Variants in GRM1 observed in about 807,000 individuals in gnomAD.
The protein encoded by GRM1 is metabotropic glutamate receptor 1.
A neutral mutation model predicts 90.9 loss-of-function variants in GRM1; 33 were observed. The observed-to-expected ratio is 0.36, with a 90% CI of 0.28 to 0.49. GRM1 has a LOEUF of 0.49. Among genes scored for constraint, GRM1 ranks in the 20% least tolerant of loss-of-function variants. GRM1 has a pLI of 0.99. For synonymous variants in GRM1, 700 were observed against 613.2 expected (o/e 1.14, Z -2.09); for missense variants, 1,190 against 1,534.3 (o/e 0.78, Z 3.75).
intron 5 of GRM1, among the ~76,000 whole-genome samples, chr6:146,360,989 G>A (rs1775444349): frequency 6.6e-6 from 1 of 152,192 alleles, no homozygotes; most frequent in East Asian, 1.9e-4. Flanking sequence ...AGGAAGGATG[G>A]GAGAGGAATG....
intron 1 of GRM1, among the ~76,000 whole-genome samples, chr6:146,055,941 T>C (rs1775466432): frequency 6.6e-6 from 1 of 152,118 alleles, no homozygotes; most frequent in Non-Finnish European, 1.5e-5. Context: ...ACTAAATTGA[T>C]TTGAAGGGAA....
intron 1 of GRM1, among the ~76,000 whole-genome samples, chr6:146,113,169 G>A (rs1775623972): frequency 6.6e-6 from 1 of 152,068 alleles, no homozygotes. Flanking sequence ...GTCTTCTAAT[G>A]GCAATGGAAA....
At chr6:146,171,876 GT>G (rs1178567474) in intron 2 of GRM1, 10 of 238,698 alleles carry the variant, frequency 4.2e-5, no homozygotes, top group Admixed American at 2.0e-4. Context: ...TATTGTTCTT[GT>G]TTTTTTTCCA....
intron 1 of GRM1, among the ~76,000 whole-genome samples, chr6:146,119,272 A>G (rs950401654): frequency 6.6e-6 from 1 of 152,064 alleles, no homozygotes; most frequent in Non-Finnish European, 1.5e-5. Context: ...TCCTTTGCCC[A>G]CTTTTTGATG....
At chr6:146,085,942 T>C (rs1776528812) in intron 1 of GRM1, among the ~76,000 whole-genome samples, 1 of 152,134 alleles carries the variant, frequency 6.6e-6, no homozygotes, top group South Asian at 2.1e-4. Flanking sequence ...GTTTATTTAA[T>C]AGAATTTGAG....
intron 1 of GRM1, among the ~76,000 whole-genome samples, chr6:146,042,477 G>A (rs928245260): frequency 3.3e-5 from 5 of 151,992 alleles, no homozygotes; most frequent in Non-Finnish European, 5.9e-5. Context: ...ATCAAGCAAG[G>A]TTGCTGAGGA....
chr6:146,241,038 T>A (rs1365345762), intron 2 of GRM1, among the ~76,000 whole-genome samples: 1 of 152,104 alleles, frequency 6.6e-6, no homozygotes, highest in East Asian at 1.9e-4. Context: ...GGATGCAGAA[T>A]AACCAAAATC....
intron 2 of GRM1, among the ~76,000 whole-genome samples, chr6:146,235,480 A>G (rs1215359458): frequency 6.6e-6 from 1 of 151,918 alleles, no homozygotes; most frequent in African/African-American, 2.4e-5. Context: ...AATACCCTCA[A>G]ATTTCATTTG....
At chr6:146,133,368 A>G (rs1397932452) in intron 1 of GRM1, among the ~76,000 whole-genome samples, 8 of 152,230 alleles carry the variant, frequency 5.3e-5, no homozygotes, top group Non-Finnish European at 1.2e-4. Context: ...AAAATTAGAC[A>G]CTAACACATT....
At chr6:146,149,055 T>C (rs552401307) in intron 1 of GRM1, among the ~76,000 whole-genome samples, 60 of 152,180 alleles carry the variant, frequency 3.9e-4, no homozygotes, top group Non-Finnish European at 7.1e-4. Flanking sequence ...TTCTCTTAAC[T>C]TCTTTCTCCA....
intron 5 of GRM1, chr6:146,364,959 G>C (rs1775623838): frequency 1.3e-5 from 2 of 151,916 alleles, no homozygotes; most frequent in African/African-American, 4.8e-5. Context: ...CCCTCTTTGT[G>C]AATCAAAACA....
At chr6:146,292,352 C>A (rs970965145) in intron 2 of GRM1, among the ~76,000 whole-genome samples, 4 of 151,786 alleles carry the variant, frequency 2.6e-5, no homozygotes, top group African/African-American at 7.2e-5. Flanking sequence ...AGTGAAAAGA[C>A]AACATACAGA....
In GRM1 at chr6:146,372,113, G is replaced by T. The variant is rs112053593; in HGVS notation, c.1602+14419G>T. 4.6e-5 allele frequency among the ~76,000 whole-genome samples: 7 copies of T among 151,960 alleles called. No individual in the cohort carries two copies. The East Asian group carries it at 1.4e-3, about 29-fold the overall frequency. ...AGGATTCCGTTTTCTTCTCATCTTC[G>T]CCAGCATTTGTCATTGCCTGTCATT... On this transcript the variant is annotated intron_variant, in intron 5 of 7. Coordinates refer to ENST00000282753, the MANE Select transcript of GRM1 (RefSeq NM_001278064.2).
intron 2 of GRM1, among the ~76,000 whole-genome samples, chr6:146,214,862 G>A (rs1411696639): frequency 6.6e-6 from 1 of 152,134 alleles, no homozygotes; most frequent in Non-Finnish European, 1.5e-5. Flanking sequence ...TTGAGTAAAG[G>A]CATGAGAGAT....
rs112144889 is a variant in GRM1 at position 146,425,906 on chromosome 6, C to G, written c.2661-7966C>G. ...TGTCATGTCTAGCTAGTTCTCTTCT[C>G]CATCTGCCAAAGGGGCACAGAAGCC... is the stretch of plus-strand genomic sequence containing the variant. On this transcript the variant is annotated intron_variant, in intron 7 of 7. Transcript: ENST00000282753. Among the ~76,000 whole-genome samples the G allele has an allele frequency of 1.7e-4, 26 of 152,276 alleles. 1 individual carries two copies. Among genetic ancestry groups the G allele is most frequent in the African/African-American group, 5.5e-4 (23 of 41,564 alleles).
intron 5 of GRM1, among the ~76,000 whole-genome samples, chr6:146,376,534 T>C (rs1776106201): frequency 1.3e-5 from 2 of 152,066 alleles, no homozygotes; most frequent in Admixed American, 1.3e-4. Context: ...GTGTGAAGGA[T>C]ATTTTCATCA....
intron 7 of GRM1, among the ~76,000 whole-genome samples, chr6:146,417,038 C>T (rs1325626034): frequency 6.6e-6 from 1 of 152,148 alleles, no homozygotes; most frequent in Non-Finnish European, 1.5e-5. Flanking sequence ...CACTTGAATT[C>T]AAAATTTTAT....
At chr6:146,058,660 C>T (rs2128852607) in intron 1 of GRM1, among the ~76,000 whole-genome samples, 1 of 152,114 alleles carries the variant, frequency 6.6e-6, no homozygotes, top group South Asian at 2.1e-4. Context: ...TTCTCTGTAG[C>T]ATACCATGCT....
At chr6:146,229,753 G>A (rs1162894484) in intron 2 of GRM1, among the ~76,000 whole-genome samples, 2 of 152,060 alleles carry the variant, frequency 1.3e-5, no homozygotes, top group East Asian at 3.9e-4. Context: ...AAACAAAATA[G>A]TGTATATTTG....
Sources: gnomAD v4.1 joint callset for allele counts (sites outside exome capture counted in the v4.1 genomes callset) on GRCh38, gnomAD v4.1.1 for gene constraint, MANE v1.5 for transcripts, NCBI Gene and HGNC (gene_info 2026-07-23, HGNC 2026-07-21) for gene names.